USO1: variants seen among roughly 807,000 people sequenced by gnomAD.
USO1 encodes the protein USO1 vesicle transport factor, also known as general vesicular transport factor p115.
Under a neutral mutation model 124.5 loss-of-function variants are expected in USO1, and 57 were observed. That is an observed-to-expected ratio of 0.46 (90% CI 0.37 to 0.57). The LOEUF is 0.57. USO1 is among the 20% of genes least tolerant of loss of function. The probability of loss-of-function intolerance (pLI) is 0.00; values close to 1 mark genes in which losing one functional copy is unlikely to be tolerated. For missense variants in USO1, 900 were observed against 1,040.6 expected (o/e 0.86, Z 1.86); for synonymous variants, 369 against 362.8 (o/e 1.02, Z -0.19).
At chr4:75,742,532 T>A (rs939092178) in intron 1 of USO1, among the ~76,000 whole-genome samples, 6 of 152,248 alleles carry the variant, frequency 3.9e-5, no homozygotes, top group African/African-American at 1.4e-4. Flanking sequence ...TTACCTATCT[T>A]CACTGTATTT....
chr4:75,804,186 A>C lies in USO1; in HGVS notation c.2039A>C (p.Asn680Thr), dbSNP rs1484327483. Residue 680 changes from asparagine (N) to threonine (T), a missense_variant, in exon 18 of 24, where the codon AAT (asparagine) becomes ACT (threonine). Around this residue, in one of 2 missense-constraint regions of USO1, gnomAD observed 362 missense variants for 359.0 expected, o/e 1.01. Coordinates refer to ENST00000514213, the MANE Select transcript of USO1 (RefSeq NM_003715.4). ...CAGGTTTCTACATTAAAATGTCAAA[A>C]TGAACAGCTCCAGACGGCAGTCACA... is the stretch of plus-strand genomic sequence containing the variant. ...RQQVSTLKCQ[N>T]EQLQTAVTQQ... is the part of the protein sequence containing the mutation. 1.2e-6 allele frequency: 2 copies of C among 1,613,646 alleles called. No individual in the cohort carries two copies. Among genetic ancestry groups the C allele is most frequent in the Non-Finnish European group, 1.7e-6 (2 of 1,179,730 alleles).
intron 13 of USO1, 31 bp from the exon 14 acceptor site, chr4:75,799,591 G>A (rs758155816): frequency 5.0e-6 from 8 of 1,606,214 alleles, no homozygotes; most frequent in Admixed American, 1.7e-5. Context: ...TAAAATGAAT[G>A]GAAAGATTTC....
Position 75,752,423 on chromosome 4 carries a change from A to G in USO1, c.117A>G (p.Arg39=), listed in dbSNP as rs1577936988. 1 of 398,448 alleles carries G rather than the reference A, an allele frequency of 2.5e-6. No homozygotes were observed. The highest frequency in any genetic ancestry group is 3.6e-5 in the East Asian group (1 of 28,024). The allele number at this position is 398,448 out of a possible 1,614,324, so 24.7% of individuals were successfully genotyped here. The change falls in exon 2 of 24, where the codon CGA becomes CGG. Residue 39 remains arginine, a synonymous_variant. Transcript: ENST00000514213. ...RVASSTLLDD[R]RNAVRALKSL... The stretch of plus-strand genomic sequence containing the variant: ...CTTCATCTACTTTATTGGATGATCG[A>G]AGAAATGCTGTTCGTGCTCTCAAAT...
chr4:75,726,426 T>G (rs1484403442), intron 1 of USO1, among the ~76,000 whole-genome samples: 2 of 152,100 alleles, frequency 1.3e-5, no homozygotes, highest in African/African-American at 4.8e-5. Context: ...TTTGGGAACT[T>G]TATATAGTAT....
chr4:75,781,369 G>A lies in USO1; in HGVS notation c.677-1311G>A, dbSNP rs145380662. Among the ~76,000 whole-genome samples, 4 of 152,274 alleles carry A rather than the reference G, an allele frequency of 2.6e-5. No homozygotes were observed. In the East Asian group the frequency reaches 5.8e-4, roughly 22 times the overall value. On this transcript the variant is annotated intron_variant, in intron 8 of 23. Transcript: ENST00000514213. ...TGAACATTGGTGAAATGACAACAAA[G>A]GATTTAGAATATTACATCAACTTAG...
chr4:75,757,455 T>C (rs1348042207), intron 3 of USO1, 42 bp from the exon 4 acceptor site: 2 of 1,406,164 alleles, frequency 1.4e-6, no homozygotes, highest in Non-Finnish European at 1.9e-6. Context: ...CAGTTTATAC[T>C]CTCATCAGCA....
intron 17 of USO1, among the ~76,000 whole-genome samples, chr4:75,803,440 G>A (rs1722909833): frequency 6.6e-6 from 1 of 151,926 alleles, no homozygotes; most frequent in Non-Finnish European, 1.5e-5. Context: ...CTGAGGTCAG[G>A]AGTTTGAGAC....
intron 12 of USO1, 24 bp downstream of exon 12, chr4:75,790,821 T>G (rs1420781305): frequency 1.3e-6 from 2 of 1,530,866 alleles, no homozygotes; most frequent in Non-Finnish European, 1.8e-6. Context: ...TTCTAATTTT[T>G]ATTTGAAAAA....
intron 1 of USO1, among the ~76,000 whole-genome samples, chr4:75,733,984 C>G (rs910352915): frequency 1.4e-5 from 2 of 146,314 alleles, no homozygotes; most frequent in African/African-American, 5.1e-5. Context: ...GGCCCTGTCA[C>G]CCAGGCTGGA....
chr4:75,780,021 AAT>A (rs1353726275), intron 8 of USO1, among the ~76,000 whole-genome samples: 1 of 152,114 alleles, frequency 6.6e-6, no homozygotes, highest in Non-Finnish European at 1.5e-5. Flanking sequence ...ACCCTTAAGA[AAT>A]ATACTAAATC....
chr4:75,745,911 A>T (rs1052691035), intron 1 of USO1, among the ~76,000 whole-genome samples: 10 of 149,362 alleles, frequency 6.7e-5, no homozygotes, highest in Non-Finnish European at 7.4e-5. Flanking sequence ...AATAAAAAAT[A>T]AAAAAAAAAC....
chr4:75,730,610 A>G (rs1199838576), intron 1 of USO1, among the ~76,000 whole-genome samples: 2 of 152,128 alleles, frequency 1.3e-5, no homozygotes, highest in Admixed American at 1.3e-4. Flanking sequence ...AAAGAATATT[A>G]GAATTCCTTA....
intron 1 of USO1, among the ~76,000 whole-genome samples, chr4:75,738,219 G>A (rs1446189022): frequency 6.6e-6 from 1 of 151,916 alleles, no homozygotes; most frequent in Non-Finnish European, 1.5e-5. Flanking sequence ...CACTTTGGGA[G>A]GCCAAAGCCA....
intron 10 of USO1, among the ~76,000 whole-genome samples, chr4:75,788,540 T>G (rs2149179914): frequency 6.7e-6 from 1 of 148,984 alleles, no homozygotes; most frequent in South Asian, 2.1e-4. Flanking sequence ...TTCTTTTCTT[T>G]TCTTTTCTTT....
At chr4:75,769,395 C>G (rs1721858281) in intron 4 of USO1, among the ~76,000 whole-genome samples, 1 of 152,138 alleles carries the variant, frequency 6.6e-6, no homozygotes. Flanking sequence ...TACTTTTGGT[C>G]TCTTCTTTTT....
rs1411342955 is a variant in USO1, at chr4:75,724,831, C to G, written c.12C>G (p.Leu4=). The change falls in exon 1 of 24, where the codon CTC becomes CTG. Residue 4 remains leucine, a synonymous_variant. Coordinates refer to ENST00000514213, the MANE Select transcript of USO1 (RefSeq NM_003715.4). The stretch of plus-strand genomic sequence containing the variant: ...GGCTGAACGGCAAGATGAATTTCCT[C>G]CGCGGGGTAATGGGGGGTCAGAGTG... The part of the protein sequence containing the change: MNF[L]RGVMGGQSAG... 1 of 1,613,816 alleles carries G rather than the reference C, an allele frequency of 6.2e-7. No homozygotes were observed.
intron 13 of USO1, among the ~76,000 whole-genome samples, chr4:75,797,650 T>C (rs189582383): frequency 6.6e-6 from 1 of 151,984 alleles, no homozygotes; most frequent in Non-Finnish European, 1.5e-5. Context: ...TTACAATTAT[T>C]ATTTTTTTTG....
chr4:75,756,540 C>T (rs1560442144), intron 3 of USO1, among the ~76,000 whole-genome samples: 3 of 131,222 alleles, frequency 2.3e-5, no homozygotes, highest in South Asian at 2.4e-4. Context: ...GAGTTTTGCT[C>T]TTGTTGCCCA....
At chr4:75,778,932 T>C (rs936210736) in intron 8 of USO1, among the ~76,000 whole-genome samples, 1 of 152,218 alleles carries the variant, frequency 6.6e-6, no homozygotes, top group African/African-American at 2.4e-5. Flanking sequence ...TGAAGGCTTG[T>C]GTCAACCCTG....
Sources: gnomAD v4.1 joint callset for allele counts (sites outside exome capture counted in the v4.1 genomes callset) on GRCh38, gnomAD v4.1.1 for gene constraint, gnomAD v4.1.1 regional missense constraint, MANE v1.5 for transcripts, NCBI Gene and HGNC (gene_info 2026-07-23, HGNC 2026-07-21) for gene names.